The following FAS variants were observed in gnomAD, a reference collection of about 807,000 sequenced individuals.
FAS encodes the protein Fas cell surface death receptor.
FAS carries 5 observed loss-of-function variants against 33.2 expected under a neutral mutation model. The observed-to-expected ratio is 0.15, with a 90% CI of 0.08 to 0.32. FAS has a LOEUF of 0.32. FAS is among the 10% of genes least tolerant of loss of function. The probability of loss-of-function intolerance (pLI) is 1.00; values close to 1 mark genes in which losing one functional copy is unlikely to be tolerated. For missense variants in FAS, 339 were observed against 386.0 expected, an observed-to-expected ratio of 0.88 and a Z score of 1.02; for synonymous variants, 131 against 130.7, an observed-to-expected ratio of 1.00 and a Z score of -0.01.
intron 2 of FAS, among the ~76,000 whole-genome samples, chr10:89,007,437 C>CT (rs569252912): frequency 9.3e-5 from 14 of 151,224 alleles, no homozygotes; most frequent in South Asian, 2.1e-4. Context: ...TCTAACCTTC[C>CT]TTTTTTTTTG....
chr10:88,985,092 T>C (rs1269386524), upstream of FAS, among the ~76,000 whole-genome samples: 1 of 152,116 alleles, frequency 6.6e-6, no homozygotes, highest in Non-Finnish European at 1.5e-5. Context: ...TACAACAAAA[T>C]AATAAAATAA....
chr10:88,972,461 G>A (rs1031560349), intron 1 of FAS, among the ~76,000 whole-genome samples: 2 of 152,130 alleles, frequency 1.3e-5, no homozygotes, highest in East Asian at 1.9e-4. Flanking sequence ...GATACAGTTC[G>A]ATTTAGATTT....
At chr10:89,006,950 T>C (rs1332363378) in intron 2 of FAS, among the ~76,000 whole-genome samples, 1 of 152,212 alleles carries the variant, frequency 6.6e-6, no homozygotes, top group Non-Finnish European at 1.5e-5. Flanking sequence ...ATAACAAGCC[T>C]GATAGATAAT....
chr10:88,999,419 G>A (rs1847806163), intron 1 of FAS, among the ~76,000 whole-genome samples: 1 of 152,170 alleles, frequency 6.6e-6, no homozygotes, highest in East Asian at 1.9e-4. Context: ...GCATTTCTAA[G>A]TGACTTTTAA....
upstream of FAS, chr10:88,990,610 A>G (rs1269978631): frequency 1.5e-6 from 1 of 683,890 alleles, no homozygotes; most frequent in Non-Finnish European, 2.7e-6. This position sits in a 1 kb window ranked among gnomAD's most constrained non-coding sequence, Gnocchi z 4.9. Flanking sequence ...CTTCCTTCCC[A>G]TCCTCCTGAC....
chr10:88,970,567 T>C (rs149539056), intron 1 of FAS, among the ~76,000 whole-genome samples: 14 of 152,220 alleles, frequency 9.2e-5, no homozygotes, highest in African/African-American at 3.4e-4. Context: ...AATACTAAAA[T>C]TGCATTTAGA....
intron 2 of FAS, among the ~76,000 whole-genome samples, chr10:88,981,617 A>G (rs2862834): frequency 0.9 from 137,445 of 152,174 alleles, 62,307 homozygotes; most frequent in East Asian, 0.99. Context: ...TGTTAACAGT[A>G]CCACAAGCAG....
chr10:88,975,576 C>A (rs980693238), intron 2 of FAS, among the ~76,000 whole-genome samples: 1 of 151,980 alleles, frequency 6.6e-6, no homozygotes, highest in African/African-American at 2.4e-5. Context: ...AATGTGTGGG[C>A]TCTGGGCTTA....
upstream of FAS, among the ~76,000 whole-genome samples, chr10:88,987,774 T>C (rs920217604): frequency 1.3e-5 from 2 of 152,242 alleles, no homozygotes; most frequent in Non-Finnish European, 2.9e-5. Flanking sequence ...GTTAATTTTA[T>C]GTATCAAATT....
chr10:88,983,270 C>T (rs1421713178), upstream of FAS, among the ~76,000 whole-genome samples: 1 of 152,026 alleles, frequency 6.6e-6, no homozygotes, highest in African/African-American at 2.4e-5. Flanking sequence ...GAAAGAGTTC[C>T]CTTATCTCAC....
intron 3 of FAS, among the ~76,000 whole-genome samples, chr10:89,008,176 A>G (rs1257927396): frequency 6.6e-6 from 1 of 152,198 alleles, no homozygotes; most frequent in African/African-American, 2.4e-5. Flanking sequence ...AGAAAAATTC[A>G]GAAGCCTGCA....
chr10:88,986,845 C>A (rs955844072), upstream of FAS, among the ~76,000 whole-genome samples: 1 of 152,108 alleles, frequency 6.6e-6, no homozygotes, highest in Admixed American at 6.5e-5. Context: ...TGAACTGTGA[C>A]CCCCAAATTA....
In FAS at chr10:89,016,198, G is replaced by A. The variant is rs1415258168; in HGVS notation, c.*1748G>A. 2.3e-5 allele frequency: 5 copies of A among 217,122 alleles called. No homozygotes were observed. The highest frequency in any genetic ancestry group is 3.7e-5 in the Non-Finnish European group (4 of 107,974). 13.4% of individuals were successfully genotyped at this position (217,122 alleles called of 1,614,324 possible). A position where few individuals can be genotyped will look rare whatever the true frequency, so the allele number is the denominator to read the frequency against. ...GTAATATATTCTATTTAACCCATGA[G>A]TCCCAAAGTATTAGCATTTCAACAT... On this transcript the variant is annotated 3_prime_UTR_variant, in exon 9 of 9. Transcript: ENST00000652046.
chr10:88,989,657 C>T, upstream of FAS: 1 of 480,358 alleles, frequency 2.1e-6, no homozygotes, highest in Non-Finnish European at 4.1e-6. Context: ...TTTGAGGGCC[C>T]AAACAGGCTC....
At chr10:88,980,859 T>C (rs905011386) in intron 2 of FAS, among the ~76,000 whole-genome samples, 4 of 152,182 alleles carry the variant, frequency 2.6e-5, no homozygotes, top group Non-Finnish European at 5.9e-5. Context: ...AGAGATAATT[T>C]TCCCAGACTC....
At chr10:88,988,253 A>G (rs1417651026), upstream of FAS, among the ~76,000 whole-genome samples, 1 of 152,224 alleles carries the variant, frequency 6.6e-6, no homozygotes, top group Non-Finnish European at 1.5e-5. Context: ...AAGGAAGAAG[A>G]AGGAGAAAGG....
intron 1 of FAS, among the ~76,000 whole-genome samples, chr10:88,994,047 T>G (rs1847431928): frequency 6.6e-6 from 1 of 152,222 alleles, no homozygotes; most frequent in South Asian, 2.1e-4. Context: ...GTTACCACCC[T>G]TAGCAGCAAA....
chr10:88,999,665 T>C (rs945800351), intron 1 of FAS, among the ~76,000 whole-genome samples: 9 of 152,208 alleles, frequency 5.9e-5, no homozygotes, highest in Non-Finnish European at 1.0e-4. Context: ...AGTTAACCCA[T>C]GTCATCTCTA....
At chr10:88,965,802 A>C (rs2133309902) in intron 1 of FAS, among the ~76,000 whole-genome samples, 1 of 152,284 alleles carries the variant, frequency 6.6e-6, no homozygotes, top group African/African-American at 2.4e-5. Context: ...TTTATGATCC[A>C]CTGCTGGTTT....
Sources: allele counts gnomAD v4.1 joint callset (sites outside exome capture counted in the v4.1 genomes callset), GRCh38; gene constraint gnomAD v4.1.1; non-coding constraint Gnocchi (gnomAD v3.1); transcripts MANE v1.5; gene names NCBI Gene and HGNC (gene_info 2026-07-23, HGNC 2026-07-21).